EFNA2: variants seen among roughly 807,000 people sequenced by gnomAD.
EFNA2 encodes ephrin-A2.
A neutral mutation model predicts 19.7 loss-of-function variants in EFNA2; 18 were observed. The observed-to-expected ratio is 0.91, with a 90% CI of 0.63 to 1.35. EFNA2 has a LOEUF of 1.35. Ranked by LOEUF, EFNA2 falls within the 40% of genes most tolerant of loss-of-function variation. The pLI is 0.00. For synonymous variants in EFNA2, 187 were observed against 137.8 expected (o/e 1.36, Z -2.50); for missense variants, 303 against 296.0 (o/e 1.02, Z -0.17).
chr19:1,293,537 G>T (rs1334481587), intron 1 of EFNA2, among the ~76,000 whole-genome samples: 1 of 152,230 alleles, frequency 6.6e-6, no homozygotes, highest in African/African-American at 2.4e-5. Context: ...GAGACCCAAG[G>T]GTTCAAATCC....
chr19:1,290,398 G>A (rs1272468414), intron 1 of EFNA2, among the ~76,000 whole-genome samples: 1 of 152,214 alleles, frequency 6.6e-6, no homozygotes, highest in Non-Finnish European at 1.5e-5. Context: ...TGCAGAGAAG[G>A]GAACAGAGGT....
rs892188726 is a variant in EFNA2, at chr19:1,296,944, C to A, written c.454+1086C>A. ...TCCGAAGCTGGCCTTTTTGTCCCTACGAAAGGCCAACGGCAGGTGGGGAAC... is the reference window on the plus strand; with the variant it reads ...TCCGAAGCTGGCCTTTTTGTCCCTAAGAAAGGCCAACGGCAGGTGGGGAAC... On this transcript the variant is annotated intron_variant, in intron 2 of 3. Transcript: ENST00000215368. The surrounding 1 kb of genome is among the most constrained non-coding windows in gnomAD (Gnocchi z 4.4). Among the ~76,000 whole-genome samples the A allele has an allele frequency of 6.6e-6, 1 of 152,240 alleles. No homozygotes were observed. The highest frequency in any genetic ancestry group is 2.4e-5 in the African/African-American group (1 of 41,464).
rs927588359 is a variant in EFNA2, at chr19:1,296,635, C to T, written c.454+777C>T. On this transcript the variant is annotated intron_variant, in intron 2 of 3. Coordinates refer to ENST00000215368, the MANE Select transcript of EFNA2 (RefSeq NM_001405.4). The surrounding 1 kb of genome is among the most constrained non-coding windows in gnomAD (Gnocchi z 4.4). ...CTGCACTCCAGCCTGGGTGGCAGAG[C>T]GAGACCCTGTCTTTAAAAGAAGAAA... Among the ~76,000 whole-genome samples, 6 of 152,084 alleles carry T rather than the reference C, an allele frequency of 3.9e-5. No individual in the cohort carries two copies. Among genetic ancestry groups the T allele is most frequent in the South Asian group, 4.1e-4 (2 of 4,826 alleles).
Position 1,297,610 on chromosome 19 carries a change from G to C in EFNA2, c.455-941G>C, listed in dbSNP as rs1353240243. Among the ~76,000 whole-genome samples the C allele has an allele frequency of 2.6e-5, 4 of 152,062 alleles. No homozygotes were observed. Among genetic ancestry groups the C allele is most frequent in the Admixed American group, 2.6e-4 (4 of 15,276 alleles). On this transcript the variant is annotated intron_variant, in intron 2 of 3. Transcript: ENST00000215368. This position sits in a 1 kb window ranked among gnomAD's most constrained non-coding sequence, Gnocchi z 5.0. ...TGTGCGTGCACATGGACCCACCCCT[G>C]TTCGATTGTCCACACGTGTGCACAC...
In EFNA2 at chr19:1,286,718, G is replaced by T. The variant is rs940457984; in HGVS notation, c.140+410G>T. 6.6e-6 allele frequency among the ~76,000 whole-genome samples: 1 copy of T among 152,194 alleles called. No individual in the cohort carries two copies. Among genetic ancestry groups the T allele is most frequent in the Non-Finnish European group, 1.5e-5 (1 of 68,024 alleles). On this transcript the variant is annotated intron_variant, in intron 1 of 3. Transcript: ENST00000215368. The surrounding 1 kb of genome is among the most constrained non-coding windows in gnomAD (Gnocchi z 5.6). ...TTCGCATTTGGTGGGGATCCCCGGGGACCTTGGCACCGGAGGTGGGGGACT... is the reference window on the plus strand; with the variant it reads ...TTCGCATTTGGTGGGGATCCCCGGGTACCTTGGCACCGGAGGTGGGGGACT...
rs908027465 is a variant in EFNA2 at position 1,294,238 on chromosome 19, C to T, written c.141-1307C>T. Among the ~76,000 whole-genome samples, 2 of 152,240 alleles carry T rather than the reference C, an allele frequency of 1.3e-5. No individual in the cohort carries two copies. Among genetic ancestry groups the T allele is most frequent in the African/African-American group, 4.8e-5 (2 of 41,452 alleles). ...GGCCCCCCTCGTGCCCCGCTTGGTCCAGGCCGCCGGTTACATGACAGGGGC... is the reference window on the plus strand; with the variant it reads ...GGCCCCCCTCGTGCCCCGCTTGGTCTAGGCCGCCGGTTACATGACAGGGGC... On this transcript the variant is annotated intron_variant, in intron 1 of 3. Transcript: ENST00000215368. The surrounding 1 kb of genome is among the most constrained non-coding windows in gnomAD (Gnocchi z 5.8).
rs1462893772 is a variant in EFNA2, at chr19:1,295,897, GGCGGGGAC to G, written c.454+46_454+53del. 2.0e-6 allele frequency: 3 copies of G among 1,527,234 alleles called. No homozygotes were observed. In the African/African-American group the frequency reaches 4.4e-5, roughly 22 times the overall value. The allele number at this position is 1,527,234 out of a possible 1,614,324, so 94.6% of individuals were successfully genotyped here. ...GGCCGGGGCTGCCGGGGCCCGAGTG[GGCGGGGAC>G]GCGGGGGCGGGGCCAGGAAGTGGGC... is the stretch of plus-strand genomic sequence containing the variant. On this transcript the variant is annotated intron_variant, in intron 2 of 3. Coordinates refer to ENST00000215368, the MANE Select transcript of EFNA2 (RefSeq NM_001405.4). The surrounding 1 kb of genome is among the most constrained non-coding windows in gnomAD (Gnocchi z 5.8).
chr19:1,299,540 G>A (rs1426655714), intron 3 of EFNA2, among the ~76,000 whole-genome samples: 1 of 148,870 alleles, frequency 6.7e-6, no homozygotes, highest in Non-Finnish European at 1.5e-5. Flanking sequence ...TGGCGACGGT[G>A]AGACTCCGTC....
rs1040318425 is a variant in EFNA2, at chr19:1,287,705, C to T, written c.140+1397C>T. ...GCTGGCCCACCTCAGAGCGGGTCCC[C>T]GAGCCGCCCGCTGTGCTGGTCACAT... is the stretch of plus-strand genomic sequence containing the variant. On this transcript the variant is annotated intron_variant, in intron 1 of 3. Coordinates refer to ENST00000215368, the MANE Select transcript of EFNA2 (RefSeq NM_001405.4). This position sits in a 1 kb window ranked among gnomAD's most constrained non-coding sequence, Gnocchi z 6.2. 5.9e-5 allele frequency among the ~76,000 whole-genome samples: 9 copies of T among 152,300 alleles called. No homozygotes were observed. Among genetic ancestry groups the T allele is most frequent in the South Asian group, 4.1e-4 (2 of 4,830 alleles).
rs2081466775 is a variant in EFNA2 at position 1,286,721 on chromosome 19, C to T, written c.140+413C>T. On this transcript the variant is annotated intron_variant, in intron 1 of 3. Coordinates refer to ENST00000215368, the MANE Select transcript of EFNA2 (RefSeq NM_001405.4). The surrounding 1 kb of genome is among the most constrained non-coding windows in gnomAD (Gnocchi z 5.6). ...GCATTTGGTGGGGATCCCCGGGGAC[C>T]TTGGCACCGGAGGTGGGGGACTGTG... Among the ~76,000 whole-genome samples the T allele has an allele frequency of 6.6e-6, 1 of 152,194 alleles. No homozygotes were observed. Among genetic ancestry groups the T allele is most frequent in the Admixed American group, 6.5e-5 (1 of 15,290 alleles).
intron 1 of EFNA2, among the ~76,000 whole-genome samples, chr19:1,291,064 C>T (rs1056393377): frequency 2.0e-5 from 3 of 152,304 alleles, no homozygotes; most frequent in South Asian, 2.1e-4. Flanking sequence ...CCCTGAAAGA[C>T]GGTGACTCAC....
chr19:1,285,910 G>C lies in EFNA2; in HGVS notation c.-259G>C, dbSNP rs1401803966. Among the ~76,000 whole-genome samples the C allele has an allele frequency of 1.4e-5, 2 of 145,772 alleles. No individual in the cohort carries two copies. The highest frequency in any genetic ancestry group is 3.0e-5 in the Non-Finnish European group (2 of 65,682). ...CCTCCCCGGCGGGTGCGGCGGCGGC[G>C]GCCCGCGCTCCGACAGTCCGCGCGG... On this transcript the variant is annotated 5_prime_UTR_variant, in exon 1 of 4. Coordinates refer to ENST00000215368, the MANE Select transcript of EFNA2 (RefSeq NM_001405.4). This position sits in a 1 kb window ranked among gnomAD's most constrained non-coding sequence, Gnocchi z 4.1.
intron 1 of EFNA2, among the ~76,000 whole-genome samples, chr19:1,288,136 G>A (rs566197099): frequency 2.0e-5 from 3 of 152,254 alleles, no homozygotes; most frequent in African/African-American, 4.8e-5. Context: ...TCCTGCCTGC[G>A]GTATCCAGGG....
At chr19:1,292,698 T>C (rs1000531145) in intron 1 of EFNA2, among the ~76,000 whole-genome samples, 1 of 150,570 alleles carries the variant, frequency 6.6e-6, no homozygotes, top group African/African-American at 2.5e-5. Flanking sequence ...CCTGGAGGGG[T>C]GTGGATTTTA....
chr19:1,298,385 C>T (rs1325679955), intron 2 of EFNA2, among the ~76,000 whole-genome samples, 166 bp from the exon 3 acceptor site: 1 of 151,946 alleles, frequency 6.6e-6, no homozygotes, highest in Non-Finnish European at 1.5e-5. Flanking sequence ...TGCTGGGAAA[C>T]AGGGGGCATT....
In EFNA2 at chr19:1,299,851, C is replaced by T; in HGVS notation, c.548C>T (p.Pro183Leu). ...TNETLYEAPE[P>L]IFTSNNSCSS... ...GAGACCCTGTACGAGGCTCCTGAGC[C>T]CATCTTCACCAGCAATAACTCGTGT... Residue 183 changes from proline to leucine, a missense_variant, in exon 4 of 4, where the codon CCC (proline) becomes CTC (leucine). Physicochemically the swap from Pro to Leu is moderately conservative, Grantham distance 98. Transcript: ENST00000215368. 1 of 1,604,336 alleles carries T rather than the reference C, an allele frequency of 6.2e-7. No homozygotes were observed. The highest frequency in any genetic ancestry group is 8.5e-7 in the Non-Finnish European group (1 of 1,177,824).
Position 1,294,993 on chromosome 19 carries a change from GC to G in EFNA2, c.141-549del, listed in dbSNP as rs1480596196. 4.3e-4 allele frequency among the ~76,000 whole-genome samples: 65 copies of G among 152,198 alleles called. No homozygotes were observed. Among genetic ancestry groups the G allele is most frequent in the Non-Finnish European group, 5.9e-5 (4 of 67,994 alleles). On this transcript the variant is annotated intron_variant, in intron 1 of 3. Transcript: ENST00000215368. This position sits in a 1 kb window ranked among gnomAD's most constrained non-coding sequence, Gnocchi z 5.8. ...GCCCGGAGTCAGGAACCCCCCGCCG[GC>G]CCTTTGCACACAGGGGTCCAGATGT...
Position 1,287,657 on chromosome 19 carries a change from G to T in EFNA2, c.140+1349G>T, listed in dbSNP as rs2081472262. ...GTCGGGCCCTGGGGGCTGAGGGCAGGGACCCCGGGCCGCTGGGGGACGGCT... is the reference window on the plus strand; with the variant it reads ...GTCGGGCCCTGGGGGCTGAGGGCAGTGACCCCGGGCCGCTGGGGGACGGCT... On this transcript the variant is annotated intron_variant, in intron 1 of 3. Transcript: ENST00000215368. The surrounding 1 kb of genome is among the most constrained non-coding windows in gnomAD (Gnocchi z 6.2). 6.6e-6 allele frequency among the ~76,000 whole-genome samples: 1 copy of T among 152,078 alleles called. No homozygotes were observed. Among genetic ancestry groups the T allele is most frequent in the Non-Finnish European group, 1.5e-5 (1 of 67,988 alleles).
Position 1,287,668 on chromosome 19 carries a change from C to T in EFNA2, c.140+1360C>T, listed in dbSNP as rs1006904103. Among the ~76,000 whole-genome samples the T allele has an allele frequency of 2.0e-5, 3 of 151,946 alleles. No individual in the cohort carries two copies. The highest frequency in any genetic ancestry group is 2.1e-4 in the South Asian group (1 of 4,822). On this transcript the variant is annotated intron_variant, in intron 1 of 3. Transcript: ENST00000215368. This position sits in a 1 kb window ranked among gnomAD's most constrained non-coding sequence, Gnocchi z 6.2. ...GGGGCTGAGGGCAGGGACCCCGGGC[C>T]GCTGGGGGACGGCTGGCCCACCTCA...
Sources: gnomAD v4.1 joint callset for allele counts (sites outside exome capture counted in the v4.1 genomes callset) on GRCh38, gnomAD v4.1.1 for gene constraint, Gnocchi (gnomAD v3.1) non-coding constraint, MANE v1.5 for transcripts, NCBI Gene and HGNC (gene_info 2026-07-23, HGNC 2026-07-21) for gene names.